Variants in DPF3 observed in about 807,000 individuals in gnomAD.
DPF3 encodes zinc finger protein DPF3.
In DPF3, 18 loss-of-function variants were observed where a neutral mutation model predicts 56.8. The ratio of observed to expected loss-of-function variants is 0.32; its 90% CI spans 0.22 to 0.47. DPF3 has a LOEUF of 0.47. Ranked by LOEUF, DPF3 falls within the 20% of genes least tolerant of loss-of-function variation. The pLI, the probability that DPF3 is intolerant of heterozygous loss-of-function variation, is 1.00. For synonymous variants in DPF3, 188 were observed against 180.2 expected (o/e 1.04, Z -0.35); for missense variants, 403 against 488.8 (o/e 0.82, Z 1.65).
intron 2 of DPF3, among the ~76,000 whole-genome samples, chr14:72,764,050 T>A (rs1368299162): frequency 6.6e-6 from 1 of 152,172 alleles, no homozygotes; most frequent in Non-Finnish European, 1.5e-5. Flanking sequence ...CCAAGTGATG[T>A]GTCTTTTTAT....
chr14:72,883,715 G>A (rs150336569), intron 1 of DPF3, among the ~76,000 whole-genome samples: 62 of 152,224 alleles, frequency 4.1e-4, no homozygotes, highest in Middle Eastern at 3.4e-3. Flanking sequence ...ATCACTTGAG[G>A]TCAGGAGATC....
In DPF3 at chr14:72,612,116, G is replaced by A. The variant is rs185527886; in HGVS notation, c.*7181C>T. Among the ~76,000 whole-genome samples, 38 of 152,276 alleles carry A rather than the reference G, an allele frequency of 2.5e-4. No homozygotes were observed. The highest frequency in any genetic ancestry group is 8.2e-4 in the African/African-American group (34 of 41,560). ...ATGATTCATGGCAGGCAAAAGATGG[G>A]TTCATTTTCCTTCAGAGGAAAAACC... On this transcript the variant is annotated 3_prime_UTR_variant, in exon 11 of 11. Transcript: ENST00000556509.
chr14:72,648,166 C>T (rs936441781), intron 8 of DPF3, among the ~76,000 whole-genome samples: 4 of 152,190 alleles, frequency 2.6e-5, no homozygotes, highest in African/African-American at 9.6e-5. Context: ...TTTCACTAGT[C>T]GAATTATTCT....
chr14:72,892,972 GAA>G (rs1886820015), intron 1 of DPF3, among the ~76,000 whole-genome samples: 1 of 126,148 alleles, frequency 7.9e-6, no homozygotes, highest in Admixed American at 7.5e-5. Flanking sequence ...AGGAAGGAAG[GAA>G]GGAAGGAAGG....
At position 72,693,119 on chromosome 14, in the gene DPF3, C is replaced by G; in HGVS notation, c.699G>C (p.Gln233His). 6.2e-7 allele frequency: 1 copy of G among 1,614,036 alleles called. No individual in the cohort carries two copies. Among genetic ancestry groups the G allele is most frequent in the Admixed American group, 1.7e-5 (1 of 60,016 alleles). The change falls in exon 7 of 11, where the codon CAG becomes CAC. Residue 233 changes from glutamine (Q) to histidine (H), a missense_variant. This residue lies in a region of DPF3 where 340 missense variants were observed against 374.3 expected (regional missense o/e 0.91). Coordinates refer to ENST00000556509, the MANE Select transcript of DPF3 (RefSeq NM_001280542.3). ...ASEEGDEAQD[Q>H]ETRSPPNHRN... ...TGTGGTTGGGTGGGGACCGAGTCTC[C>G]TGGTCTTGAGCTTCATCCCCCTCCT...
At chr14:72,639,045 C>A (rs1885468292) in intron 8 of DPF3, among the ~76,000 whole-genome samples, 1 of 152,164 alleles carries the variant, frequency 6.6e-6, no homozygotes, top group Non-Finnish European at 1.5e-5. Flanking sequence ...TCTCGATCTC[C>A]TAACCTTGCG....
intron 8 of DPF3, among the ~76,000 whole-genome samples, chr14:72,659,749 A>C (rs536378326): frequency 5.3e-5 from 8 of 152,216 alleles, no homozygotes; most frequent in Non-Finnish European, 1.5e-5. Context: ...TCAAATTTTG[A>C]GTCACTATAG....
At chr14:72,795,138 G>A (rs1447129845) in intron 1 of DPF3, among the ~76,000 whole-genome samples, 1 of 151,914 alleles carries the variant, frequency 6.6e-6, no homozygotes, top group African/African-American at 2.4e-5. Context: ...TTGGGGGTAA[G>A]GTCACGCTTC....
chr14:72,627,637 T>C (rs1884911455), intron 9 of DPF3, among the ~76,000 whole-genome samples: 1 of 152,098 alleles, frequency 6.6e-6, no homozygotes, highest in Non-Finnish European at 1.5e-5. Context: ...TTTTTGCATG[T>C]TTGTTTCTTC....
chr14:72,876,950 T>C (rs2140119207), intron 1 of DPF3, among the ~76,000 whole-genome samples: 1 of 152,336 alleles, frequency 6.6e-6, no homozygotes, highest in South Asian at 2.1e-4. Flanking sequence ...CCCACTCCCA[T>C]ATTCATGAGA....
chr14:72,802,585 C>T (rs563028722), intron 1 of DPF3, among the ~76,000 whole-genome samples: 66 of 152,202 alleles, frequency 4.3e-4, no homozygotes, highest in Non-Finnish European at 8.2e-4. Context: ...ATGCCCCCAA[C>T]AGCCCAGAAC....
At chr14:72,801,641 G>A (rs1892896747) in intron 1 of DPF3, among the ~76,000 whole-genome samples, 1 of 152,302 alleles carries the variant, frequency 6.6e-6, no homozygotes, top group Non-Finnish European at 1.5e-5. Flanking sequence ...GGACTGCCAA[G>A]GAGTGACACT....
intron 1 of DPF3, among the ~76,000 whole-genome samples, chr14:72,839,525 C>T (rs1437505846): frequency 2.6e-5 from 4 of 152,120 alleles, no homozygotes; most frequent in Non-Finnish European, 4.4e-5. Context: ...ACTGACTCCC[C>T]GAGGGACTGG....
chr14:72,641,177 T>G (rs1331743263), intron 8 of DPF3, among the ~76,000 whole-genome samples: 1 of 152,192 alleles, frequency 6.6e-6, no homozygotes, highest in Non-Finnish European at 1.5e-5. Context: ...CAGTCACTAG[T>G]AGCAATGGGC....
At chr14:72,887,917 A>C (rs1208357824) in intron 1 of DPF3, among the ~76,000 whole-genome samples, 1 of 152,198 alleles carries the variant, frequency 6.6e-6, no homozygotes, top group Non-Finnish European at 1.5e-5. Context: ...TTTCTGGTGG[A>C]GCTTCCAAGT....
intron 8 of DPF3, among the ~76,000 whole-genome samples, chr14:72,668,541 G>A (rs1886532360): frequency 6.6e-6 from 1 of 152,150 alleles, no homozygotes; most frequent in African/African-American, 2.4e-5. Flanking sequence ...ATATAAAATA[G>A]ACAAGCAATA....
chr14:72,771,876 T>C lies in DPF3; in HGVS notation c.50A>G (p.Tyr17Cys). ...NPLKALGDQF[Y>C]KEAIEHCRSY... ...CCGGCAGTGCTCAATGGCTTCCTTG[T>C]AGAACTGGTCCCCGAGCCTGCCAGA... Residue 17 changes from tyrosine to cysteine, a missense_variant, in exon 2 of 11, where the codon TAC (tyrosine) becomes TGC (cysteine). Physicochemically the swap from Tyr to Cys is radical, Grantham distance 194 (BLOSUM62 -2). This residue lies in a region of DPF3 where 340 missense variants were observed against 374.3 expected (regional missense o/e 0.91). Transcript: ENST00000556509. The C allele has an allele frequency of 6.3e-7, 1 of 1,598,074 alleles. No homozygotes were observed. Among genetic ancestry groups the C allele is most frequent in the South Asian group, 1.1e-5 (1 of 89,000 alleles).
chr14:72,836,423 C>T (rs1345032606), intron 1 of DPF3: 14 of 985,472 alleles, frequency 1.4e-5, no homozygotes, highest in Non-Finnish European at 1.4e-5. Flanking sequence ...ACTGGATAAG[C>T]GCACCCTCCT....
chr14:72,640,592 T>A (rs924933060), intron 8 of DPF3, among the ~76,000 whole-genome samples: 1 of 152,182 alleles, frequency 6.6e-6, no homozygotes, highest in African/African-American at 2.4e-5. Flanking sequence ...AATTGGTCAA[T>A]AGGACGTGAT....
Sources: allele counts gnomAD v4.1 joint callset (sites outside exome capture counted in the v4.1 genomes callset), GRCh38; gene constraint gnomAD v4.1.1; regional missense constraint gnomAD v4.1.1; transcripts MANE v1.5; gene names NCBI Gene and HGNC (gene_info 2026-07-23, HGNC 2026-07-21).